PRKG1: variants seen among roughly 807,000 people sequenced by gnomAD.
The protein encoded by PRKG1 is cGMP-dependent protein kinase 1.
A neutral mutation model predicts 88.1 loss-of-function variants in PRKG1; 35 were observed. The ratio of observed to expected loss-of-function variants is 0.40; its 90% CI spans 0.30 to 0.53. PRKG1 has a LOEUF of 0.53. Ranked by LOEUF, PRKG1 falls within the 20% of genes least tolerant of loss-of-function variation. The pLI is 0.59. For synonymous variants in PRKG1, 303 were observed against 292.5 expected (o/e 1.04, Z -0.37); for missense variants, 540 against 839.8 (o/e 0.64, Z 4.41).
At chr10:51,704,266 T>G (rs1841550409) in intron 3 of PRKG1, among the ~76,000 whole-genome samples, 1 of 151,932 alleles carries the variant, frequency 6.6e-6, no homozygotes, top group Non-Finnish European at 1.5e-5. Flanking sequence ...GATAGATAGA[T>G]AGATAGATAT....
rs557083616 is a variant in PRKG1, at chr10:51,436,560, C to A, written c.479-31163C>A. On this transcript the variant is annotated intron_variant, in intron 2 of 17. Transcript: ENST00000373980. ...AAGTTGACTTTAACTTTGCCTGTCA[C>A]ACTGAAAAATGGCTCCTAATGAGTT... Among the ~76,000 whole-genome samples, 3 of 152,090 alleles carry A rather than the reference C, an allele frequency of 2.0e-5. No individual in the cohort carries two copies. In the East Asian group the frequency reaches 5.8e-4, roughly 30 times the overall value.
chr10:51,960,049 T>G (rs1356904611), intron 5 of PRKG1, among the ~76,000 whole-genome samples: 2 of 152,070 alleles, frequency 1.3e-5, no homozygotes, highest in African/African-American at 4.8e-5. Flanking sequence ...GTTCTATAGC[T>G]GCAGAAACTT....
intron 5 of PRKG1, among the ~76,000 whole-genome samples, chr10:51,939,642 A>G (rs1427019328): frequency 6.6e-6 from 1 of 151,684 alleles, no homozygotes; most frequent in Non-Finnish European, 1.5e-5. Flanking sequence ...TCATGTCCTT[A>G]ACATGCTTTA....
intron 3 of PRKG1, among the ~76,000 whole-genome samples, chr10:51,746,519 C>A (rs151005445): frequency 6.6e-6 from 1 of 151,826 alleles, no homozygotes; most frequent in East Asian, 1.9e-4. Flanking sequence ...GTCAGGAGTT[C>A]GAGACCAGCC....
At chr10:51,859,402 T>C (rs1433433391) in intron 4 of PRKG1, among the ~76,000 whole-genome samples, 1 of 151,632 alleles carries the variant, frequency 6.6e-6, no homozygotes, top group Non-Finnish European at 1.5e-5. Context: ...TTTATGTTTT[T>C]AGTCTGCAAC....
chr10:51,565,485 G>A (rs552902086), intron 3 of PRKG1, among the ~76,000 whole-genome samples: 138 of 152,196 alleles, frequency 9.1e-4, no homozygotes, highest in Non-Finnish European at 1.1e-3. Flanking sequence ...TACTGAAAGT[G>A]CCCAAGTGCC....
chr10:52,105,417 C>A (rs186784127), intron 7 of PRKG1, among the ~76,000 whole-genome samples: 1 of 152,034 alleles, frequency 6.6e-6, no homozygotes, highest in Middle Eastern at 3.2e-3. Flanking sequence ...GTTAAGGAAG[C>A]GATAATAACC....
At chr10:51,261,881 A>ATTTTTTTTTTTTTTTTT (rs375382268) in intron 2 of PRKG1, among the ~76,000 whole-genome samples, 2 of 120,634 alleles carry the variant, frequency 1.7e-5, no homozygotes. Flanking sequence ...GGATTTTCTA[A>ATTTTTTTTTTTTTTTTT]TTTTTTTTTT....
intron 1 of PRKG1, among the ~76,000 whole-genome samples, chr10:51,145,689 G>A (rs964570798): frequency 6.6e-6 from 1 of 152,048 alleles, no homozygotes; most frequent in Non-Finnish European, 1.5e-5. Flanking sequence ...TTTGGAAGTG[G>A]ATGAACACCT....
intron 5 of PRKG1, among the ~76,000 whole-genome samples, chr10:51,926,109 C>T (rs892628662): frequency 1.3e-5 from 2 of 152,042 alleles, no homozygotes; most frequent in African/African-American, 4.8e-5. Context: ...AAAATCAATA[C>T]ATCTTTCTGA....
intron 7 of PRKG1, among the ~76,000 whole-genome samples, chr10:52,117,384 C>A (rs1158743684): frequency 6.6e-6 from 1 of 152,012 alleles, no homozygotes; most frequent in African/African-American, 2.4e-5. Flanking sequence ...CTGTGTTAAA[C>A]ATGTTTTACT....
At chr10:51,454,647 A>G (rs925433493) in intron 2 of PRKG1, among the ~76,000 whole-genome samples, 1 of 152,204 alleles carries the variant, frequency 6.6e-6, no homozygotes, top group African/African-American at 2.4e-5. Context: ...GAGCAAAGTC[A>G]TGTCTTACAT....
At chr10:52,016,720 G>T (rs1283712739) in intron 5 of PRKG1, among the ~76,000 whole-genome samples, 1 of 151,978 alleles carries the variant, frequency 6.6e-6, no homozygotes, top group Non-Finnish European at 1.5e-5. Flanking sequence ...GGATGCAACA[G>T]TGAAAAAAAG....
intron 3 of PRKG1, among the ~76,000 whole-genome samples, chr10:51,752,727 G>A (rs1837758586): frequency 6.6e-6 from 1 of 152,136 alleles, no homozygotes; most frequent in African/African-American, 2.4e-5. Flanking sequence ...CGAAATGGAA[G>A]AATATTGTTC....
In PRKG1 at chr10:52,038,222, T is replaced by C. The variant is rs185546895; in HGVS notation, c.763-16262T>C. On this transcript the variant is annotated intron_variant, in intron 5 of 17. Coordinates refer to ENST00000373980, the MANE Select transcript of PRKG1 (RefSeq NM_006258.4). ...CAGGCCAAGGGAGTAGAAGGAGGAA[T>C]GAAGGGTGGAAGGTTGCCTATAGTG... Among the ~76,000 whole-genome samples, 224 of 150,808 alleles carry C rather than the reference T, an allele frequency of 1.5e-3. 2 individuals carry two copies. Among genetic ancestry groups the C allele is most frequent in the Non-Finnish European group, 2.7e-3 (182 of 67,772 alleles).
intron 2 of PRKG1, among the ~76,000 whole-genome samples, chr10:51,321,740 A>G (rs1478484923): frequency 6.6e-6 from 1 of 152,212 alleles, no homozygotes; most frequent in Non-Finnish European, 1.5e-5. Flanking sequence ...TGTTCATTTT[A>G]AAATGACTAA....
chr10:51,496,168 G>C (rs935434689), intron 3 of PRKG1, among the ~76,000 whole-genome samples: 2 of 152,092 alleles, frequency 1.3e-5, no homozygotes, highest in Admixed American at 6.5e-5. Flanking sequence ...CTTAGGATTG[G>C]TAATGCCATT....
chr10:51,187,796 A>G (rs1028395148), intron 2 of PRKG1, among the ~76,000 whole-genome samples: 5 of 152,098 alleles, frequency 3.3e-5, no homozygotes, highest in Middle Eastern at 6.8e-3. Flanking sequence ...AACAATAGGA[A>G]TTCTCTCCTC....
intron 2 of PRKG1, among the ~76,000 whole-genome samples, chr10:51,254,588 A>C (rs1337085878): frequency 6.6e-6 from 1 of 152,076 alleles, no homozygotes; most frequent in African/African-American, 2.4e-5. Flanking sequence ...GGAATGCAAA[A>C]TTAATTAATT....
Sources: allele counts gnomAD v4.1 joint callset (sites outside exome capture counted in the v4.1 genomes callset), GRCh38; gene constraint gnomAD v4.1.1; transcripts MANE v1.5; gene names NCBI Gene and HGNC (gene_info 2026-07-23, HGNC 2026-07-21).